The following FGF12 variants were observed in gnomAD, a reference collection of about 807,000 sequenced individuals.
FGF12 encodes the protein fibroblast growth factor 12, also known as fibroblast growth factor 12B.
In FGF12, 14 loss-of-function variants were observed where a neutral mutation model predicts 23.6. The ratio of observed to expected loss-of-function variants is 0.59; its 90% CI spans 0.39 to 0.93. FGF12 has a LOEUF of 0.93. FGF12 is among the 40% of genes least tolerant of loss of function. The pLI, the probability that FGF12 is intolerant of heterozygous loss-of-function variation, is 0.00. For synonymous variants in FGF12, 62 were observed against 77.3 expected (o/e 0.80, Z 1.04); for missense variants, 175 against 217.8 (o/e 0.80, Z 1.24).
intron 5 of FGF12, among the ~76,000 whole-genome samples, chr3:192,151,185 G>A (rs1231787469): frequency 8.2e-6 from 1 of 122,608 alleles, no homozygotes; most frequent in Non-Finnish European, 1.8e-5. Flanking sequence ...GGACTTTGCT[G>A]AAGTTGCTTA....
chr3:192,660,320 C>T (rs1267373904), intron 2 of FGF12, among the ~76,000 whole-genome samples: 4 of 129,530 alleles, frequency 3.1e-5, no homozygotes, highest in East Asian at 2.3e-4. Context: ...TGAGAACACA[C>T]GGACACAAGA....
intron 2 of FGF12, among the ~76,000 whole-genome samples, chr3:192,467,137 T>C (rs900932108): frequency 6.6e-6 from 1 of 152,208 alleles, no homozygotes; most frequent in Admixed American, 6.5e-5. Flanking sequence ...CAAAAGGTTT[T>C]AGAATTTTTT....
chr3:192,174,826 A>C (rs1577204171), intron 4 of FGF12, among the ~76,000 whole-genome samples: 1 of 152,262 alleles, frequency 6.6e-6, no homozygotes, highest in African/African-American at 2.4e-5. Context: ...CAATTCTCTA[A>C]ATTTCACATT....
chr3:192,310,579 T>C (rs1046010357), intron 4 of FGF12, among the ~76,000 whole-genome samples: 7 of 152,192 alleles, frequency 4.6e-5, no homozygotes, highest in Non-Finnish European at 1.0e-4. Context: ...ATTAAATAGC[T>C]CAAAGGTGTC....
chr3:192,342,284 G>A (rs572073222), intron 3 of FGF12, among the ~76,000 whole-genome samples: 2 of 152,230 alleles, frequency 1.3e-5, no homozygotes, highest in East Asian at 3.9e-4. Context: ...AGAAAAAAAT[G>A]GAAGATAATA....
Position 192,597,726 on chromosome 3 carries a change from G to A in FGF12, c.13+129455C>T, listed in dbSNP as rs940317046. The stretch of plus-strand genomic sequence containing the variant: ...CACAGGCAGATTTCATCTGCAAACA[G>A]TGCCCTGGCCAGACTTGCCAGTTAC... On this transcript the variant is annotated intron_variant, in intron 2 of 5. Transcript: ENST00000445105. Among the ~76,000 whole-genome samples the A allele has an allele frequency of 3.9e-5, 6 of 152,230 alleles. No individual in the cohort carries two copies. In the South Asian group the frequency reaches 6.2e-4, roughly 16 times the overall value.
intron 4 of FGF12, among the ~76,000 whole-genome samples, chr3:192,314,868 G>A (rs1716148264): frequency 1.3e-5 from 2 of 152,138 alleles, no homozygotes; most frequent in Non-Finnish European, 2.9e-5. Context: ...CATGTGTAAG[G>A]TGACTGCATA....
chr3:192,669,328 C>A (rs1910437), intron 2 of FGF12, among the ~76,000 whole-genome samples: 1 of 151,792 alleles, frequency 6.6e-6, no homozygotes, highest in East Asian at 1.9e-4. Flanking sequence ...TGGTTCACGC[C>A]TGTAATCCCA....
At chr3:192,577,595 A>G (rs1019245812) in intron 2 of FGF12, among the ~76,000 whole-genome samples, 3 of 152,256 alleles carry the variant, frequency 2.0e-5, no homozygotes, top group African/African-American at 7.2e-5. Context: ...ACTCTGCCAT[A>G]TGGCATAGAG....
intron 2 of FGF12, among the ~76,000 whole-genome samples, chr3:192,560,425 A>T (rs1341727415): frequency 2.6e-5 from 4 of 152,024 alleles, no homozygotes; most frequent in Non-Finnish European, 5.9e-5. Context: ...TTTTGTAAAA[A>T]AAGGTAATAA....
At chr3:192,245,564 C>T (rs1711528378) in intron 4 of FGF12, among the ~76,000 whole-genome samples, 1 of 152,162 alleles carries the variant, frequency 6.6e-6, no homozygotes, top group Admixed American at 6.5e-5. Flanking sequence ...ACTCTTTAGT[C>T]AATGAATATT....
At chr3:192,563,173 T>C (rs891402421) in intron 2 of FGF12, among the ~76,000 whole-genome samples, 1 of 152,150 alleles carries the variant, frequency 6.6e-6, no homozygotes, top group African/African-American at 2.4e-5. Flanking sequence ...GCAATTTCAG[T>C]TCAAAATAAC....
intron 2 of FGF12, among the ~76,000 whole-genome samples, chr3:192,558,990 T>C (rs1000820291): frequency 6.6e-6 from 1 of 151,930 alleles, no homozygotes; most frequent in African/African-American, 2.4e-5. Flanking sequence ...TCTGAAACTA[T>C]AGAACTCTTA....
chr3:192,355,182 T>C (rs945197001), intron 3 of FGF12, among the ~76,000 whole-genome samples: 1 of 152,216 alleles, frequency 6.6e-6, no homozygotes, highest in Non-Finnish European at 1.5e-5. Context: ...TACATTTGCA[T>C]ATATGAAAAA....
chr3:192,545,959 C>G (rs1326539170), intron 2 of FGF12, among the ~76,000 whole-genome samples: 2 of 152,174 alleles, frequency 1.3e-5, no homozygotes, highest in Admixed American at 6.5e-5. Context: ...GATCTCTATG[C>G]TCTGAATGGA....
At chr3:192,224,367 T>C (rs183538631) in intron 4 of FGF12, among the ~76,000 whole-genome samples, 1 of 152,294 alleles carries the variant, frequency 6.6e-6, no homozygotes, top group Admixed American at 6.5e-5. Flanking sequence ...ACATTTCTTT[T>C]TCCTTTTCTC....
At chr3:192,520,997 G>A (rs954141240) in intron 2 of FGF12, among the ~76,000 whole-genome samples, 3 of 152,178 alleles carry the variant, frequency 2.0e-5, no homozygotes, top group African/African-American at 7.2e-5. Flanking sequence ...AATACACTCT[G>A]TGTGCCTCCA....
chr3:192,611,557 G>A (rs754000675), intron 2 of FGF12, among the ~76,000 whole-genome samples: 10 of 151,940 alleles, frequency 6.6e-5, no homozygotes, highest in Admixed American at 3.3e-4. Context: ...GCACCGTCAG[G>A]CAATGGTTCT....
chr3:192,184,464 A>G (rs1408041576), intron 4 of FGF12, among the ~76,000 whole-genome samples: 1 of 152,212 alleles, frequency 6.6e-6, no homozygotes, highest in Admixed American at 6.5e-5. Flanking sequence ...TTTTATATGA[A>G]CAGGATAAAA....
Sources: allele counts gnomAD v4.1 joint callset (sites outside exome capture counted in the v4.1 genomes callset), GRCh38; gene constraint gnomAD v4.1.1; transcripts MANE v1.5; gene names NCBI Gene and HGNC (gene_info 2026-07-23, HGNC 2026-07-21).